The following FUT9 variants were observed in gnomAD, a reference collection of about 807,000 sequenced individuals.
FUT9 encodes the protein 4-galactosyl-N-acetylglucosaminide 3-alpha-L-fucosyltransferase 9.
In FUT9, 15 loss-of-function variants were observed where a neutral mutation model predicts 29.7. The ratio of observed to expected loss-of-function variants is 0.51; its 90% CI spans 0.34 to 0.78. FUT9 has a LOEUF of 0.78. Among genes scored for constraint, FUT9 ranks in the 30% least tolerant of loss-of-function variants. The pLI is 0.01. For synonymous variants in FUT9, 169 were observed against 153.7 expected (o/e 1.10, Z -0.74); for missense variants, 319 against 425.4 (o/e 0.75, Z 2.20).
chr6:96,174,418 C>A (rs1447819803), intron 2 of FUT9, among the ~76,000 whole-genome samples: 1 of 151,878 alleles, frequency 6.6e-6, no homozygotes, highest in African/African-American at 2.4e-5. Flanking sequence ...TAAATGATGG[C>A]AAATTATAAT....
intron 1 of FUT9, among the ~76,000 whole-genome samples, chr6:96,051,006 C>T (rs544143006): frequency 1.1e-5 from 1 of 87,092 alleles, no homozygotes; most frequent in African/African-American, 5.4e-5. Flanking sequence ...ATGTCTCTCT[C>T]TCTCTCTGTG....
intron 2 of FUT9, among the ~76,000 whole-genome samples, chr6:96,183,006 T>C (rs181936895): frequency 1.8e-3 from 267 of 152,184 alleles, no homozygotes; most frequent in African/African-American, 5.9e-3. Context: ...GGGAATTGCA[T>C]TGAATTTTTA....
chr6:96,029,212 A>G (rs1283577878), intron 1 of FUT9, among the ~76,000 whole-genome samples: 2 of 151,574 alleles, frequency 1.3e-5, no homozygotes, highest in Non-Finnish European at 3.0e-5. Context: ...TCTAACAAGA[A>G]ATTCTGTAAA....
intron 1 of FUT9, among the ~76,000 whole-genome samples, chr6:96,102,014 G>T (rs1236973715): frequency 6.6e-6 from 1 of 152,034 alleles, no homozygotes; most frequent in East Asian, 1.9e-4. Context: ...ATGCACGTGT[G>T]TGTAAAAATA....
chr6:96,023,991 G>A (rs1441258330), intron 1 of FUT9, among the ~76,000 whole-genome samples: 1 of 151,830 alleles, frequency 6.6e-6, no homozygotes, highest in Non-Finnish European at 1.5e-5. Flanking sequence ...AACTGATGAT[G>A]AAGTATAAGC....
rs556005885 is a variant in FUT9, at chr6:96,208,796, C to T, written c.*4561C>T. 4.8e-5 allele frequency: 8 copies of T among 166,752 alleles called. No homozygotes were observed. The highest frequency in any genetic ancestry group is 1.9e-4 in the African/African-American group (8 of 41,530). 10.3% of individuals were successfully genotyped at this position (166,752 alleles called of 1,614,324 possible). On this transcript the variant is annotated 3_prime_UTR_variant, in exon 3 of 3. Transcript: ENST00000302103. ...TAGTATTTAAGGAGAGTATAAAGTG[C>T]GAGCACTGTGAAGGGCAGATATCTA...
intron 1 of FUT9, among the ~76,000 whole-genome samples, chr6:96,106,528 T>C (rs1771689367): frequency 6.6e-6 from 1 of 152,204 alleles, no homozygotes. Flanking sequence ...GTGACTGTTA[T>C]ACAATCTTTG....
chr6:96,145,680 C>A (rs1388351399), intron 2 of FUT9, among the ~76,000 whole-genome samples: 1 of 152,038 alleles, frequency 6.6e-6, no homozygotes, highest in East Asian at 1.9e-4. Context: ...ATGCTGATAT[C>A]TTAAGAAAGC....
chr6:96,104,227 A>G (rs1222109878), intron 1 of FUT9, among the ~76,000 whole-genome samples: 2 of 152,184 alleles, frequency 1.3e-5, no homozygotes, highest in Admixed American at 6.5e-5. Flanking sequence ...TTCTCTACCC[A>G]TTTGCCAGAG....
Position 96,085,245 on chromosome 6 carries a change from A to G in FUT9, c.-97-28794A>G, listed in dbSNP as rs199775967. 2.6e-5 allele frequency among the ~76,000 whole-genome samples: 4 copies of G among 152,188 alleles called. No individual in the cohort carries two copies. The South Asian group carries it at 8.3e-4, about 31-fold the overall frequency. ...AACAAAATAGCATACTGTGTAGCTTATAAACAATAAGAATGTATTTCTTAT... is the reference window on the plus strand; with the variant it reads ...AACAAAATAGCATACTGTGTAGCTTGTAAACAATAAGAATGTATTTCTTAT... On this transcript the variant is annotated intron_variant, in intron 1 of 2. Coordinates refer to ENST00000302103, the MANE Select transcript of FUT9 (RefSeq NM_006581.4).
intron 2 of FUT9, among the ~76,000 whole-genome samples, chr6:96,146,047 G>T (rs915776899): frequency 6.6e-6 from 1 of 151,980 alleles, no homozygotes; most frequent in Non-Finnish European, 1.5e-5. Flanking sequence ...TCATTATGTT[G>T]CCAGGGCTGG....
At chr6:96,093,532 T>C (rs1771448186) in intron 1 of FUT9, among the ~76,000 whole-genome samples, 1 of 152,134 alleles carries the variant, frequency 6.6e-6, no homozygotes, top group African/African-American at 2.4e-5. Context: ...TATATCAACA[T>C]ATGTTAAGAA....
chr6:96,171,154 G>A (rs773145842), intron 2 of FUT9, among the ~76,000 whole-genome samples: 1 of 152,172 alleles, frequency 6.6e-6, no homozygotes, highest in Non-Finnish European at 1.5e-5. Flanking sequence ...AACCAAACAG[G>A]TGACTGAGAC....
chr6:96,179,924 G>A (rs1773275028), intron 2 of FUT9, among the ~76,000 whole-genome samples: 1 of 152,042 alleles, frequency 6.6e-6, no homozygotes, highest in Non-Finnish European at 1.5e-5. Flanking sequence ...AAGTTAAAAT[G>A]GAGCAAATTG....
At chr6:96,107,731 C>T (rs1287271678) in intron 1 of FUT9, among the ~76,000 whole-genome samples, 4 of 152,106 alleles carry the variant, frequency 2.6e-5, no homozygotes, top group South Asian at 2.1e-4. Flanking sequence ...CTAATTCTGT[C>T]GCCTCCAGCA....
intron 1 of FUT9, among the ~76,000 whole-genome samples, chr6:96,078,769 T>C (rs148205667): frequency 2.4e-4 from 36 of 152,262 alleles, no homozygotes; most frequent in South Asian, 4.1e-4. Context: ...TAGGCATTCA[T>C]AATTAAACAA....
intron 2 of FUT9, among the ~76,000 whole-genome samples, chr6:96,169,787 A>G (rs1368487014): frequency 6.6e-6 from 1 of 152,052 alleles, no homozygotes; most frequent in Non-Finnish European, 1.5e-5. Flanking sequence ...TATTATTTTG[A>G]CTCATTTGGC....
intron 2 of FUT9, among the ~76,000 whole-genome samples, chr6:96,153,516 T>C (rs956856331): frequency 6.6e-6 from 1 of 152,184 alleles, no homozygotes; most frequent in African/African-American, 2.4e-5. Flanking sequence ...AGTATGAAAT[T>C]GAGAAATATT....
chr6:96,210,794 A>C lies in FUT9; in HGVS notation c.*6559A>C, dbSNP rs17056459. 29,128 of 166,802 alleles carry C rather than the reference A, an allele frequency of 0.17. 2,980 individuals carry two copies. The highest frequency in any genetic ancestry group is 0.44 in the East Asian group (2,268 of 5,160). 10.3% of individuals were successfully genotyped at this position (166,802 alleles called of 1,614,324 possible). On this transcript the variant is annotated 3_prime_UTR_variant, in exon 3 of 3. Transcript: ENST00000302103. Reference sequence around the variant, plus strand: ...GGTAATTTGCAATTGAGATATGGCAAAGAATTGTAGCATCCAAATTTTTGA... The same window carrying C: ...GGTAATTTGCAATTGAGATATGGCACAGAATTGTAGCATCCAAATTTTTGA...
Sources: gnomAD v4.1 joint callset for allele counts (sites outside exome capture counted in the v4.1 genomes callset) on GRCh38, gnomAD v4.1.1 for gene constraint, MANE v1.5 for transcripts, NCBI Gene and HGNC (gene_info 2026-07-23, HGNC 2026-07-21) for gene names.